The following AXDND1 variants were observed in gnomAD, a reference collection of about 807,000 sequenced individuals.
AXDND1 encodes the protein axonemal dynein light chain domain-containing protein 1.
A neutral mutation model predicts 137.5 loss-of-function variants in AXDND1; 110 were observed. That is an observed-to-expected ratio of 0.80 (90% CI 0.69 to 0.94). The LOEUF is 0.94. Ranked by LOEUF, AXDND1 falls within the 40% of genes least tolerant of loss-of-function variation. The pLI is 0.00. For missense variants in AXDND1, 1,191 were observed against 1,169.8 expected (o/e 1.02, Z -0.26); for synonymous variants, 414 against 399.7 (o/e 1.04, Z -0.43).
intron 12 of AXDND1, among the ~76,000 whole-genome samples, chr1:179,413,317 G>T (rs1654180183): frequency 6.6e-6 from 1 of 152,112 alleles, no homozygotes; most frequent in South Asian, 2.1e-4. Context: ...TAAATCATAA[G>T]GTTTGGGCTT....
At position 179,432,333 on chromosome 1, in the gene AXDND1, G is replaced by T; in HGVS notation, c.1554G>T (p.Gln518His). 1 of 1,570,362 alleles carries T rather than the reference G, an allele frequency of 6.4e-7. No individual in the cohort carries two copies. The highest frequency in any genetic ancestry group is 8.7e-7 in the Non-Finnish European group (1 of 1,155,512). Residue 518 changes from glutamine (Q) to histidine (H), a missense_variant, in exon 15 of 26, where the codon CAG becomes CAT. Physicochemically the swap from Gln to His is conservative, Grantham distance 24. Transcript: ENST00000367618. ...IFNSVLLDFKQWQKILNEKKE... is the reference protein window; with the variant it reads ...IFNSVLLDFKHWQKILNEKKE... Reference sequence around the variant, plus strand: ...ATTCAGTTCTTTTAGACTTCAAACAGTGGCAGAAGGTAAGACTTTTTAATA... The same window carrying T: ...ATTCAGTTCTTTTAGACTTCAAACATTGGCAGAAGGTAAGACTTTTTAATA...
chr1:179,366,384 C>A lies in AXDND1; in HGVS notation c.-106-20C>A, dbSNP rs879088922. 1.8e-3 allele frequency: 742 copies of A among 422,716 alleles called. No individual in the cohort carries two copies. The highest frequency in any genetic ancestry group is 4.8e-3 in the Middle Eastern group (8 of 1,674). 26.2% of individuals were successfully genotyped at this position (422,716 alleles called of 1,614,324 possible). A position where few individuals can be genotyped will look rare whatever the true frequency, so the allele number is the denominator to read the frequency against. ...GTCATCTTTTTTTTTTTTTTTAAATCTTTTTTCCTCTGCCTGCAGGACTAT... is the reference window on the plus strand; with the variant it reads ...GTCATCTTTTTTTTTTTTTTTAAATATTTTTTCCTCTGCCTGCAGGACTAT... On this transcript the variant is annotated intron_variant, in intron 1 of 25. Transcript: ENST00000367618.
At chr1:179,454,181 G>C (rs1471124065) in intron 16 of AXDND1, 1 of 152,208 alleles carries the variant, frequency 6.6e-6, no homozygotes, top group Admixed American at 6.5e-5. Context: ...CATGTGTTGT[G>C]GGAGGGACCC....
chr1:179,482,098 ATTTTTTTTTTTTTTT>A (rs57145549), intron 17 of AXDND1, among the ~76,000 whole-genome samples: 2 of 108,070 alleles, frequency 1.9e-5, no homozygotes, highest in Admixed American at 2.0e-4. Context: ...GAGCTTTTTA[ATTTTTTTTTTTTTTT>A]TTTTTTTTTT....
At chr1:179,477,504 T>C (rs1393366843) in intron 17 of AXDND1, among the ~76,000 whole-genome samples, 16 of 152,134 alleles carry the variant, frequency 1.1e-4, no homozygotes, top group Non-Finnish European at 2.4e-4. Context: ...GGATTTCCCC[T>C]TATGAAACCA....
intron 16 of AXDND1, chr1:179,454,528 G>A (rs1241916318): frequency 6.6e-6 from 1 of 152,252 alleles, no homozygotes; most frequent in Non-Finnish European, 1.5e-5. Flanking sequence ...ACATGGGAAT[G>A]GAGAAGAGGA....
chr1:179,518,721 A>G (rs11802193), intron 21 of AXDND1, among the ~76,000 whole-genome samples: 133,613 of 152,198 alleles, frequency 0.88, 58,815 homozygotes, highest in East Asian at 0.96. Flanking sequence ...ACATGATCTC[A>G]TTCTTTTTTA....
chr1:179,447,070 T>C (rs116430346), intron 16 of AXDND1, among the ~76,000 whole-genome samples: 2,373 of 152,266 alleles, frequency 0.016, 54 homozygotes, highest in African/African-American at 0.053. Flanking sequence ...ACATTTCAAG[T>C]CCTCTCTTCT....
intron 15 of AXDND1, among the ~76,000 whole-genome samples, chr1:179,444,702 T>A (rs1659478216): frequency 3.0e-4 from 1 of 3,338 alleles, no homozygotes; most frequent in South Asian, 8.1e-3. Context: ...TATCACTACT[T>A]TTTTTTTTTT....
chr1:179,529,389 C>T (rs1453627593), intron 23 of AXDND1, among the ~76,000 whole-genome samples: 1 of 152,212 alleles, frequency 6.6e-6, no homozygotes, highest in Non-Finnish European at 1.5e-5. Context: ...GTTGAAAAAT[C>T]ACTGATGTGA....
rs964656851 is a variant in AXDND1, at chr1:179,506,851, C to T, written c.2389-2445C>T. The T allele has an allele frequency of 4.1e-6, 4 of 985,320 alleles. No individual in the cohort carries two copies. The African/African-American group carries it at 7.0e-5, about 17-fold the overall frequency. 61.0% of individuals were successfully genotyped at this position (985,320 alleles called of 1,614,324 possible). ...TCACCAGAGATAGCACTGCCGGTTCCAGGATTTGGTCCTCCAAAAGGACTA... is the reference window on the plus strand; with the variant it reads ...TCACCAGAGATAGCACTGCCGGTTCTAGGATTTGGTCCTCCAAAAGGACTA... On this transcript the variant is annotated intron_variant, in intron 20 of 25. Coordinates refer to ENST00000367618, the MANE Select transcript of AXDND1 (RefSeq NM_144696.6).
intron 17 of AXDND1, among the ~76,000 whole-genome samples, chr1:179,481,176 TC>T (rs1665331051): frequency 6.6e-6 from 1 of 152,050 alleles, no homozygotes; most frequent in Admixed American, 6.6e-5. Context: ...ATGTTCCCCT[TC>T]CTGTGTCCAA....
intron 20 of AXDND1, among the ~76,000 whole-genome samples, chr1:179,508,203 G>A (rs903754353): frequency 4.6e-5 from 7 of 152,064 alleles, no homozygotes; most frequent in Non-Finnish European, 1.0e-4. Flanking sequence ...AGGTATGGTG[G>A]TGCACACCTG....
intron 18 of AXDND1, among the ~76,000 whole-genome samples, chr1:179,483,805 CA>C (rs1665711962): frequency 6.6e-6 from 1 of 152,044 alleles, no homozygotes; most frequent in Non-Finnish European, 1.5e-5. Flanking sequence ...AGAAAATTTG[CA>C]AGATTGTAAA....
intron 25 of AXDND1, 121 bp from the exon 26 acceptor site, chr1:179,554,391 A>C (rs1572271627): frequency 1.9e-6 from 3 of 1,553,590 alleles, no homozygotes; most frequent in East Asian, 4.5e-5. Context: ...ACTCAGTGAA[A>C]ATAATTTTTC....
intron 16 of AXDND1, among the ~76,000 whole-genome samples, chr1:179,459,695 C>T (rs1417624046): frequency 7.2e-6 from 1 of 138,942 alleles, no homozygotes; most frequent in Non-Finnish European, 1.5e-5. Context: ...TCTTTTCTTT[C>T]TTTCTTTCCT....
intron 15 of AXDND1, among the ~76,000 whole-genome samples, chr1:179,441,729 A>T (rs1241058171): frequency 6.6e-6 from 1 of 152,214 alleles, no homozygotes; most frequent in Non-Finnish European, 1.5e-5. Context: ...GCTGATAAGC[A>T]GCATCTGGGA....
intron 20 of AXDND1, among the ~76,000 whole-genome samples, chr1:179,496,667 C>A (rs926766337): frequency 2.6e-5 from 4 of 151,880 alleles, no homozygotes; most frequent in Non-Finnish European, 5.9e-5. Flanking sequence ...ATTGATTTTT[C>A]TCCACAATTT....
intron 12 of AXDND1, among the ~76,000 whole-genome samples, chr1:179,416,993 A>G (rs552467139): frequency 6.6e-5 from 10 of 152,164 alleles, no homozygotes; most frequent in Non-Finnish European, 1.3e-4. Flanking sequence ...CATCTTTGCA[A>G]GCATCTGTAT....
Sources: gnomAD v4.1 joint callset for allele counts (sites outside exome capture counted in the v4.1 genomes callset) on GRCh38, gnomAD v4.1.1 for gene constraint, MANE v1.5 for transcripts, NCBI Gene and HGNC (gene_info 2026-07-23, HGNC 2026-07-21) for gene names.